The following IGBP1C variants were observed in gnomAD, a reference collection of about 807,000 sequenced individuals.
IGBP1C encodes the protein immunoglobulin-binding protein 1 family member C.
the IGBP1C span, among the ~76,000 whole-genome samples, chr17:58,663,624 G>A: frequency 2.6e-5 from 4 of 151,908 alleles, no homozygotes; most frequent in East Asian, 2.0e-4. Context: ...GCACCACCAC[G>A]CCTGGCTAAT....
the IGBP1C span, among the ~76,000 whole-genome samples, chr17:58,664,495 A>G: frequency 6.6e-6 from 1 of 152,216 alleles, no homozygotes; most frequent in Admixed American, 6.5e-5. Flanking sequence ...CTTCTCATTT[A>G]CTGACAGCCA....
the IGBP1C span, among the ~76,000 whole-genome samples, chr17:58,670,179 T>C: frequency 6.6e-6 from 1 of 152,212 alleles, no homozygotes; most frequent in Non-Finnish European, 1.5e-5. Context: ...TTAGTCTTTA[T>C]CTTCAGTCCA....
the IGBP1C span, among the ~76,000 whole-genome samples, chr17:58,679,184 G>T: frequency 6.6e-6 from 1 of 152,048 alleles, no homozygotes; most frequent in South Asian, 2.1e-4. Flanking sequence ...GAAGGACTCT[G>T]GAGGTCCACA....
chr17:58,689,269 T>A, the IGBP1C span, among the ~76,000 whole-genome samples: 1 of 151,710 alleles, frequency 6.6e-6, no homozygotes, highest in African/African-American at 2.4e-5. Context: ...GTTTCCAGGC[T>A]AGAGTGCAGT....
chr17:58,661,561 C>G, the IGBP1C span: 1 of 743,290 alleles, frequency 1.3e-6, no homozygotes, highest in African/African-American at 1.7e-5. Flanking sequence ...GCTCGGGGAG[C>G]CGCGGCGGCG....
the IGBP1C span, among the ~76,000 whole-genome samples, chr17:58,687,406 C>T: frequency 6.6e-6 from 1 of 152,174 alleles, no homozygotes; most frequent in Non-Finnish European, 1.5e-5. Flanking sequence ...TTTATTCCCG[C>T]ATTTGCCCTC....
chr17:58,679,487 G>GCAAAGATACAACGTA, the IGBP1C span: 1 of 152,156 alleles, frequency 6.6e-6, no homozygotes, highest in Non-Finnish European at 1.5e-5. Context: ...AACCTACGAA[G>GCAAAGATACAACGTA]CAAAGATACA....
the IGBP1C span, among the ~76,000 whole-genome samples, chr17:58,687,624 C>A: frequency 7.9e-5 from 12 of 151,992 alleles, no homozygotes; most frequent in Non-Finnish European, 1.8e-4. Flanking sequence ...TGAGCCACTG[C>A]ACCCGGCCGT....
At chr17:58,682,104 A>G in the IGBP1C span, among the ~76,000 whole-genome samples, 5 of 151,922 alleles carry the variant, frequency 3.3e-5, no homozygotes, top group Non-Finnish European at 5.9e-5. Context: ...ACACACTACC[A>G]TGTCTGGCTA....
chr17:58,691,457 A>C, the IGBP1C span, among the ~76,000 whole-genome samples: 1 of 151,674 alleles, frequency 6.6e-6, no homozygotes, highest in Non-Finnish European at 1.5e-5. Context: ...TCACGAGGTC[A>C]GGAGTTCGAG....
At chr17:58,664,044 C>G in the IGBP1C span, among the ~76,000 whole-genome samples, 1 of 152,092 alleles carries the variant, frequency 6.6e-6, no homozygotes, top group African/African-American at 2.4e-5. Context: ...GCTCCCCCAG[C>G]AACAACAAAA....
chr17:58,687,012 T>A, the IGBP1C span, among the ~76,000 whole-genome samples: 1 of 152,038 alleles, frequency 6.6e-6, no homozygotes, highest in South Asian at 2.1e-4. Flanking sequence ...TAGCTGGGAT[T>A]ACAGATGCCC....
the IGBP1C span, among the ~76,000 whole-genome samples, chr17:58,680,404 C>A: frequency 3.3e-5 from 5 of 152,120 alleles, no homozygotes; most frequent in Non-Finnish European, 7.4e-5. Flanking sequence ...AGCAAATGAT[C>A]AATCTTACTT....
At chr17:58,667,982 G>A in the IGBP1C span, among the ~76,000 whole-genome samples, 2 of 151,836 alleles carry the variant, frequency 1.3e-5, no homozygotes, top group Non-Finnish European at 1.5e-5. Context: ...GTCTGTGCAT[G>A]TTCTTGTAAA....
chr17:58,666,528 T>A, the IGBP1C span: 15 of 128,170 alleles, frequency 1.2e-4, no homozygotes, highest in African/African-American at 4.1e-4. Flanking sequence ...GCATTTCAAC[T>A]ACCACAACCA....
the IGBP1C span, among the ~76,000 whole-genome samples, chr17:58,682,644 G>T: frequency 6.6e-6 from 1 of 151,208 alleles, no homozygotes; most frequent in Admixed American, 6.6e-5. Context: ...AAAGTGCTGG[G>T]ATTATAGGCG....
chr17:58,690,340 A>AT, the IGBP1C span, among the ~76,000 whole-genome samples: 1 of 151,764 alleles, frequency 6.6e-6, no homozygotes, highest in Non-Finnish European at 1.5e-5. Flanking sequence ...TAATTTTTGT[A>AT]TTTTTTGTAG....
At chr17:58,679,285 A>G in the IGBP1C span, among the ~76,000 whole-genome samples, 3 of 152,190 alleles carry the variant, frequency 2.0e-5, no homozygotes, top group Non-Finnish European at 4.4e-5. Flanking sequence ...TGTGAAGGTA[A>G]CACTCCCTTA....
At chr17:58,663,669 T>C in the IGBP1C span, among the ~76,000 whole-genome samples, 1 of 152,042 alleles carries the variant, frequency 6.6e-6, no homozygotes, top group African/African-American at 2.4e-5. Flanking sequence ...GGTTTCACCA[T>C]GTTGGCCAGG....
Sources: gnomAD v4.1 joint callset for allele counts (sites outside exome capture counted in the v4.1 genomes callset) on GRCh38, gnomAD v4.1.1 for gene constraint, MANE v1.5 for transcripts, NCBI Gene and HGNC (gene_info 2026-07-23, HGNC 2026-07-21) for gene names.